OSBPL10: variants seen among roughly 807,000 people sequenced by gnomAD.
OSBPL10 encodes oxysterol binding protein like 10, also known as oxysterol-binding protein-related protein 10.
OSBPL10 carries 49 observed loss-of-function variants against 81.7 expected under a neutral mutation model. That is an observed-to-expected ratio of 0.60 (90% CI 0.48 to 0.76). The LOEUF (loss-of-function observed/expected upper bound fraction) is 0.76, where lower values mean the gene tolerates loss of function less well. OSBPL10 is among the 30% of genes least tolerant of loss of function. The pLI is 0.00. For missense variants in OSBPL10, 923 were observed against 987.8 expected, an observed-to-expected ratio of 0.93 and a Z score of 0.88; for synonymous variants, 419 against 383.6, an observed-to-expected ratio of 1.09 and a Z score of -1.08.
chr3:31,841,093 A>G (rs1255622304), intron 3 of OSBPL10, among the ~76,000 whole-genome samples: 1 of 152,190 alleles, frequency 6.6e-6, no homozygotes, highest in African/African-American at 2.4e-5. Flanking sequence ...TTTTTAGTAG[A>G]GACGGGGTTT....
At chr3:31,863,280 G>T (rs1701101855) in intron 3 of OSBPL10, among the ~76,000 whole-genome samples, 1 of 152,148 alleles carries the variant, frequency 6.6e-6, no homozygotes, top group Non-Finnish European at 1.5e-5. Context: ...TAGAAATGGG[G>T]GGTGACTGAC....
chr3:31,910,363 G>A lies in OSBPL10; in HGVS notation c.282-30533C>T, dbSNP rs1398972946. Among the ~76,000 whole-genome samples the A allele has an allele frequency of 3.3e-5, 5 of 152,052 alleles. No homozygotes were observed. The East Asian group carries it at 9.8e-4, about 30-fold the overall frequency. ...AATTCAGAGTCAGGGGGCCGGGCGC[G>A]GTGGCTCACGCCTGTAATCCCAGAA... On this transcript the variant is annotated intron_variant, in intron 1 of 11. Coordinates refer to ENST00000396556, the MANE Select transcript of OSBPL10 (RefSeq NM_017784.5).
chr3:31,663,910 C>G (rs1700121978), intron 11 of OSBPL10, 169 bp downstream of exon 11: 8 of 1,504,270 alleles, frequency 5.3e-6, no homozygotes, highest in Non-Finnish European at 6.2e-6. Context: ...GGCAGAAAAC[C>G]TGTCCTGAAG....
intron 5 of OSBPL10, among the ~76,000 whole-genome samples, chr3:31,738,097 T>C (rs1042290749): frequency 1.3e-5 from 2 of 151,628 alleles, no homozygotes; most frequent in Non-Finnish European, 2.9e-5. Context: ...AATCAATGGA[T>C]AGACAAAAAT....
At chr3:31,925,685 C>T (rs1697053261) in intron 1 of OSBPL10, among the ~76,000 whole-genome samples, 1 of 152,008 alleles carries the variant, frequency 6.6e-6, no homozygotes, top group East Asian at 1.9e-4. Flanking sequence ...TGGTTGTGGG[C>T]TCCTGTAATC....
At chr3:31,789,785 T>C (rs1698965529) in intron 4 of OSBPL10, among the ~76,000 whole-genome samples, 1 of 152,172 alleles carries the variant, frequency 6.6e-6, no homozygotes, top group Non-Finnish European at 1.5e-5. Flanking sequence ...CTTTCCTCTC[T>C]CCTTGGGGTT....
At chr3:32,022,051 T>A (rs1056774469) in intron 2 of OSBPL10, among the ~76,000 whole-genome samples, 55 of 152,180 alleles carry the variant, frequency 3.6e-4, no homozygotes, top group African/African-American at 1.3e-3. Flanking sequence ...GATTTGCAAA[T>A]CTTATTACCC....
At chr3:31,705,122 C>T (rs1696017313) in intron 6 of OSBPL10, among the ~76,000 whole-genome samples, 1 of 152,192 alleles carries the variant, frequency 6.6e-6, no homozygotes, top group Non-Finnish European at 1.5e-5. Flanking sequence ...TGGCACACTG[C>T]CCCTTGGTGG....
In OSBPL10 at chr3:31,980,982, G is replaced by A. The variant is rs372123385; in HGVS notation, c.198C>T (p.Ser66=). 6.4e-4 allele frequency: 989 copies of A among 1,553,342 alleles called. 1 individual carries two copies. The highest frequency in any genetic ancestry group is 7.3e-4 in the Non-Finnish European group (846 of 1,155,016). Reference sequence around the variant, plus strand: ...GCTCCCTCCTGCGGCCGCCTCCCCCGGACGGGCTAGCGGCCACAGAGCCCG... The same window carrying A: ...GCTCCCTCCTGCGGCCGCCTCCCCCAGACGGGCTAGCGGCCACAGAGCCCG... The part of the protein sequence containing the change: ...SSPGSVAASP[S]GGGGRRREPA... The change falls in exon 1 of 12, where the codon TCC becomes TCT. Residue 66 remains serine (S), a synonymous_variant. Transcript: ENST00000396556.
chr3:31,662,832 A>G (rs1457826223), intron 11 of OSBPL10: 1 of 985,354 alleles, frequency 1.0e-6, no homozygotes. Flanking sequence ...CTCTCAAGCT[A>G]CTAGCTCCCT....
chr3:32,043,828 C>A (rs970062579), intron 2 of OSBPL10, among the ~76,000 whole-genome samples: 12 of 152,112 alleles, frequency 7.9e-5, no homozygotes, highest in Admixed American at 2.6e-4. Context: ...AACGAAATAC[C>A]GCATGTTCTC....
Position 31,876,423 on chromosome 3 carries a change from G to A in OSBPL10, c.537+10C>T, listed in dbSNP as rs368117877. The A allele has an allele frequency of 9.6e-5, 154 of 1,601,074 alleles. No homozygotes were observed. In the African/African-American group the frequency reaches 1.5e-3, roughly 16 times the overall value. On this transcript the variant is annotated intron_variant, in intron 3 of 11. Coordinates refer to ENST00000396556, the MANE Select transcript of OSBPL10 (RefSeq NM_017784.5). ...TTCGAATGCCTCCTTCCTTTCTCACGGTGACTTACCTTAGAATTCATTTCC... is the reference window on the plus strand; with the variant it reads ...TTCGAATGCCTCCTTCCTTTCTCACAGTGACTTACCTTAGAATTCATTTCC...
At chr3:31,788,285 T>C (rs995343219) in intron 4 of OSBPL10, among the ~76,000 whole-genome samples, 1 of 152,254 alleles carries the variant, frequency 6.6e-6, no homozygotes, top group African/African-American at 2.4e-5. Flanking sequence ...TAAAATCCTA[T>C]GACATTTTGC....
chr3:31,740,721 T>G (rs547471783), intron 5 of OSBPL10, among the ~76,000 whole-genome samples: 1 of 151,750 alleles, frequency 6.6e-6, no homozygotes, highest in East Asian at 1.9e-4. Context: ...GCACTATGAT[T>G]GTGCCTGTGA....
At chr3:31,784,873 T>C (rs894155422) in intron 4 of OSBPL10, among the ~76,000 whole-genome samples, 1 of 107,064 alleles carries the variant, frequency 9.3e-6, no homozygotes, top group Non-Finnish European at 1.9e-5. Flanking sequence ...TTAATATAAC[T>C]TTTTTGGGGG....
At chr3:31,790,239 A>C (rs1340819595) in intron 4 of OSBPL10, among the ~76,000 whole-genome samples, 1 of 152,212 alleles carries the variant, frequency 6.6e-6, no homozygotes, top group Non-Finnish European at 1.5e-5. Flanking sequence ...AAAAATGTTT[A>C]AATATGGTAA....
intron 6 of OSBPL10, among the ~76,000 whole-genome samples, chr3:31,712,960 A>G (rs1027201537): frequency 4.6e-5 from 7 of 152,314 alleles, no homozygotes; most frequent in East Asian, 1.9e-4. Flanking sequence ...TCCATCAGCA[A>G]CTTCTGCAAA....
chr3:31,912,009 A>G (rs1431533323), intron 1 of OSBPL10, among the ~76,000 whole-genome samples: 1 of 152,146 alleles, frequency 6.6e-6, no homozygotes, highest in African/African-American at 2.4e-5. Context: ...ATGTGAATGT[A>G]CTTAATGCCA....
At chr3:31,689,833 T>C (rs1380882286) in intron 7 of OSBPL10, among the ~76,000 whole-genome samples, 1 of 152,128 alleles carries the variant, frequency 6.6e-6, no homozygotes, top group Non-Finnish European at 1.5e-5. Context: ...TAAACCTCTT[T>C]TTCTTCCCAG....
Sources: gnomAD v4.1 joint callset for allele counts (sites outside exome capture counted in the v4.1 genomes callset) on GRCh38, gnomAD v4.1.1 for gene constraint, MANE v1.5 for transcripts, NCBI Gene and HGNC (gene_info 2026-07-23, HGNC 2026-07-21) for gene names.